PRKACB: variants seen among roughly 807,000 people sequenced by gnomAD.
The protein encoded by PRKACB is cAMP-dependent protein kinase catalytic subunit beta.
PRKACB carries 16 observed loss-of-function variants against 51.4 expected under a neutral mutation model. That is an observed-to-expected ratio of 0.31 (90% CI 0.21 to 0.47). PRKACB has a LOEUF of 0.47. PRKACB is among the 20% of genes least tolerant of loss of function. The pLI, the probability that PRKACB is intolerant of heterozygous loss-of-function variation, is 1.00. For missense variants in PRKACB, 309 were observed against 464.5 expected (o/e 0.67, Z 3.08); for synonymous variants, 147 against 154.4 (o/e 0.95, Z 0.35).
At chr1:84,134,386 C>T (rs1256320638) in intron 1 of PRKACB, among the ~76,000 whole-genome samples, 1 of 152,146 alleles carries the variant, frequency 6.6e-6, no homozygotes, top group Non-Finnish European at 1.5e-5. Context: ...TTTTCTGCCT[C>T]CTGTTCCTAC....
At chr1:84,182,847 A>G (rs1558155063) in intron 3 of PRKACB, among the ~76,000 whole-genome samples, 1 of 152,138 alleles carries the variant, frequency 6.6e-6, no homozygotes, top group East Asian at 1.9e-4. Context: ...ACTATAATTT[A>G]TTGTGACAAT....
chr1:84,196,189 A>G (rs1163291671), intron 5 of PRKACB, among the ~76,000 whole-genome samples: 1 of 152,212 alleles, frequency 6.6e-6, no homozygotes, highest in Non-Finnish European at 1.5e-5. Flanking sequence ...GAGCTTCTAC[A>G]TAGGGAAATT....
intron 2 of PRKACB, among the ~76,000 whole-genome samples, chr1:84,181,888 G>A (rs529731017): frequency 1.3e-5 from 2 of 152,098 alleles, no homozygotes; most frequent in Admixed American, 1.3e-4. Context: ...AAGTTCAGTA[G>A]TAAGATTAAA....
chr1:84,168,823 ACC>A (rs1658416750), intron 1 of PRKACB, among the ~76,000 whole-genome samples: 2 of 151,620 alleles, frequency 1.3e-5, no homozygotes, highest in Non-Finnish European at 3.0e-5. Context: ...TAGTGGGACA[ACC>A]AAGAATGTAT....
chr1:84,116,581 C>T (rs1571642513), intron 1 of PRKACB, among the ~76,000 whole-genome samples: 1 of 151,974 alleles, frequency 6.6e-6, no homozygotes, highest in East Asian at 1.9e-4. Context: ...CTTTTTGTAG[C>T]TATTTTAAAT....
intron 1 of PRKACB, among the ~76,000 whole-genome samples, chr1:84,134,349 G>A (rs1466035237): frequency 9.2e-5 from 4 of 43,704 alleles, no homozygotes; most frequent in Non-Finnish European, 3.0e-4. Context: ...GCCTTCGCTG[G>A]GGACCCTGCC....
intron 1 of PRKACB, among the ~76,000 whole-genome samples, chr1:84,119,417 T>G (rs1442495870): frequency 6.6e-6 from 1 of 152,114 alleles, no homozygotes; most frequent in African/African-American, 2.4e-5. Context: ...TCCAGCATGG[T>G]CCACTCTTTT....
chr1:84,208,235 T>C (rs1184591432), intron 8 of PRKACB, among the ~76,000 whole-genome samples: 1 of 152,220 alleles, frequency 6.6e-6, no homozygotes, highest in African/African-American at 2.4e-5. Flanking sequence ...TGGTTGTAAC[T>C]TCATCTTGAA....
intron 1 of PRKACB, among the ~76,000 whole-genome samples, chr1:84,160,983 AT>A (rs1356554313): frequency 6.6e-6 from 1 of 151,802 alleles, no homozygotes; most frequent in African/African-American, 2.4e-5. Context: ...AAATGTCAAG[AT>A]TTTTTTGATG....
intron 1 of PRKACB, among the ~76,000 whole-genome samples, chr1:84,104,144 C>T (rs1271905006): frequency 2.0e-5 from 3 of 152,062 alleles, no homozygotes; most frequent in African/African-American, 7.2e-5. Context: ...AATTCTCTTC[C>T]CAACTTTTAA....
chr1:84,091,821 C>A (rs192297151), intron 1 of PRKACB, among the ~76,000 whole-genome samples: 1 of 152,206 alleles, frequency 6.6e-6, no homozygotes, highest in East Asian at 1.9e-4. Context: ...ATTACTCACA[C>A]AAGTTTAGCA....
intron 2 of PRKACB, among the ~76,000 whole-genome samples, chr1:84,180,848 G>A (rs1489860150): frequency 2.6e-5 from 4 of 151,796 alleles, no homozygotes; most frequent in East Asian, 1.9e-4. Context: ...ACAAAGAAAA[G>A]CAATGAAAAA....
At chr1:84,089,985 T>G (rs1648323980) in intron 1 of PRKACB, among the ~76,000 whole-genome samples, 1 of 152,208 alleles carries the variant, frequency 6.6e-6, no homozygotes. Context: ...AAAATGTAAC[T>G]CATGATAAAC....
At chr1:84,206,472 T>C (rs74627867) in intron 8 of PRKACB, among the ~76,000 whole-genome samples, 2,387 of 152,156 alleles carry the variant, frequency 0.016, 64 homozygotes, top group African/African-American at 0.054. Context: ...AACAAAAGGG[T>C]ACAAAGTGAA....
chr1:84,169,977 A>G (rs932290092), intron 1 of PRKACB, among the ~76,000 whole-genome samples: 1 of 151,742 alleles, frequency 6.6e-6, no homozygotes, highest in African/African-American at 2.4e-5. Flanking sequence ...ATTATTTAAG[A>G]TCAACAGCAC....
intron 1 of PRKACB, among the ~76,000 whole-genome samples, chr1:84,160,421 A>T (rs954815968): frequency 1.5e-4 from 23 of 150,696 alleles, no homozygotes; most frequent in African/African-American, 5.1e-4. Context: ...GATTTCTGTA[A>T]TTAATATCTT....
intron 8 of PRKACB, among the ~76,000 whole-genome samples, chr1:84,209,536 C>G (rs1430013728): frequency 6.6e-6 from 1 of 152,148 alleles, no homozygotes; most frequent in Non-Finnish European, 1.5e-5. Flanking sequence ...CCACTTCTTA[C>G]CACATCCACT....
At chr1:84,109,346 A>ACTAC (rs1650029316) in intron 1 of PRKACB, among the ~76,000 whole-genome samples, 1 of 152,006 alleles carries the variant, frequency 6.6e-6, no homozygotes, top group Non-Finnish European at 1.5e-5. Context: ...CTAGCATTGC[A>ACTAC]TGAGGGTTCT....
intron 1 of PRKACB, among the ~76,000 whole-genome samples, chr1:84,089,589 A>C (rs1279773445): frequency 1.3e-5 from 2 of 152,100 alleles, no homozygotes; most frequent in East Asian, 3.8e-4. Context: ...TCTGGCCCAC[A>C]ATGTTTCTCT....
Sources: gnomAD v4.1 joint callset for allele counts (sites outside exome capture counted in the v4.1 genomes callset) on GRCh38, gnomAD v4.1.1 for gene constraint, MANE v1.5 for transcripts, NCBI Gene and HGNC (gene_info 2026-07-23, HGNC 2026-07-21) for gene names.